The following TMEM132B variants were observed in gnomAD, a reference collection of about 807,000 sequenced individuals.
TMEM132B encodes transmembrane protein 132B.
In TMEM132B, 18 loss-of-function variants were observed where a neutral mutation model predicts 90.8. That is an observed-to-expected ratio of 0.20 (90% CI 0.14 to 0.29). The LOEUF is 0.29. Among genes scored for constraint, TMEM132B ranks in the 10% least tolerant of loss-of-function variants. TMEM132B has a pLI of 1.00. For missense variants in TMEM132B, 1,096 were observed against 1,326.8 expected (o/e 0.83, Z 2.70); for synonymous variants, 504 against 523.3 (o/e 0.96, Z 0.50).
intron 4 of TMEM132B, among the ~76,000 whole-genome samples, chr12:125,553,913 G>T (rs75607709): frequency 0.044 from 6,642 of 152,076 alleles, 245 homozygotes; most frequent in African/African-American, 0.089. Context: ...GACTGTGCAA[G>T]CTCAAACTGT....
intron 4 of TMEM132B, 93 bp downstream of exon 4, chr12:125,519,718 T>C: frequency 7.7e-7 from 1 of 1,301,532 alleles, no homozygotes; most frequent in East Asian, 2.3e-5. Context: ...ACATACCTGA[T>C]ACACTGTTTA....
At chr12:125,361,176 C>T (rs1238123622) in intron 2 of TMEM132B, among the ~76,000 whole-genome samples, 1 of 152,116 alleles carries the variant, frequency 6.6e-6, no homozygotes, top group African/African-American at 2.4e-5. Context: ...ACCCCCTATG[C>T]ACCTGTCACA....
chr12:125,497,663 A>G (rs1465461735), intron 3 of TMEM132B, among the ~76,000 whole-genome samples: 1 of 152,104 alleles, frequency 6.6e-6, no homozygotes, highest in Admixed American at 6.5e-5. Context: ...CTTCTTCTGA[A>G]CCAGGGGTTT....
chr12:125,307,796 C>CTTGT (rs1876022026), intron 1 of TMEM132B, among the ~76,000 whole-genome samples: 1 of 25,414 alleles, frequency 3.9e-5, no homozygotes, highest in African/African-American at 1.7e-4. Flanking sequence ...AAGTATATTA[C>CTTGT]AAGTATATAT....
intron 1 of TMEM132B, among the ~76,000 whole-genome samples, chr12:125,253,581 TGTACCACCAC>T (rs1270241911): frequency 6.6e-6 from 1 of 151,980 alleles, no homozygotes; most frequent in Non-Finnish European, 1.5e-5. Flanking sequence ...ACTACAGGTG[TGTACCACCAC>T]GCCCAGCTAA....
chr12:125,466,843 G>A (rs1333720645), intron 3 of TMEM132B, among the ~76,000 whole-genome samples: 2 of 152,236 alleles, frequency 1.3e-5, no homozygotes, highest in African/African-American at 4.8e-5. Context: ...TCTGGACCTG[G>A]TGTTGGCTAT....
chr12:125,239,337 G>T (rs1874011381), intron 1 of TMEM132B, among the ~76,000 whole-genome samples: 1 of 152,184 alleles, frequency 6.6e-6, no homozygotes, highest in African/African-American at 2.4e-5. Flanking sequence ...TATAGTCATA[G>T]TCAGGATCTT....
chr12:125,217,882 CT>C (rs1277031058), intron 1 of TMEM132B, among the ~76,000 whole-genome samples: 5 of 152,206 alleles, frequency 3.3e-5, no homozygotes, highest in African/African-American at 1.2e-4. Flanking sequence ...TGCAAAATGT[CT>C]TAATAATGAC....
chr12:125,553,085 GCAA>G (rs1884276181), intron 4 of TMEM132B, among the ~76,000 whole-genome samples: 1 of 152,206 alleles, frequency 6.6e-6, no homozygotes, highest in African/African-American at 2.4e-5. Flanking sequence ...ACAACACATG[GCAA>G]CAAAGTGCCT....
chr12:125,511,850 T>TAAAAAAAAAAAAAA (rs1188465342), intron 3 of TMEM132B, among the ~76,000 whole-genome samples: 2 of 89,710 alleles, frequency 2.2e-5, no homozygotes, highest in African/African-American at 1.2e-4. Flanking sequence ...AGACTCTATC[T>TAAAAAAAAAAAAAA]CAAAAAAAAA....
At chr12:125,310,751 A>G (rs7971503) in intron 1 of TMEM132B, among the ~76,000 whole-genome samples, 110,450 of 151,894 alleles carry the variant, frequency 0.73, 40,485 homozygotes, top group Non-Finnish European at 0.77. Context: ...CCCCCACGGT[A>G]GTTCTGGGTC....
chr12:125,228,063 T>A (rs1465619061), intron 1 of TMEM132B, among the ~76,000 whole-genome samples: 2 of 152,252 alleles, frequency 1.3e-5, no homozygotes, highest in East Asian at 3.8e-4. Context: ...GAAACACCTG[T>A]ACTCTAATTA....
At chr12:125,393,662 T>C (rs559928078) in intron 2 of TMEM132B, among the ~76,000 whole-genome samples, 1 of 152,232 alleles carries the variant, frequency 6.6e-6, no homozygotes, top group East Asian at 1.9e-4. Flanking sequence ...CAAAGAGAAC[T>C]TAATGAAGGG....
intron 1 of TMEM132B, among the ~76,000 whole-genome samples, chr12:125,270,290 A>G (rs996169627): frequency 5.3e-5 from 8 of 152,010 alleles, no homozygotes; most frequent in African/African-American, 9.7e-5. Flanking sequence ...GTGCACCACC[A>G]TGCATCCTAC....
chr12:125,270,492 A>G (rs941223503), intron 1 of TMEM132B, among the ~76,000 whole-genome samples: 11 of 152,146 alleles, frequency 7.2e-5, no homozygotes, highest in African/African-American at 2.4e-4. Context: ...AAATGTATTC[A>G]AAGGAAGTGG....
At chr12:125,341,884 A>C (rs1877190608) in intron 1 of TMEM132B, among the ~76,000 whole-genome samples, 1 of 152,116 alleles carries the variant, frequency 6.6e-6, no homozygotes, top group African/African-American at 2.4e-5. Flanking sequence ...TGGGGAGATA[A>C]ATTAGGGGTC....
intron 6 of TMEM132B, among the ~76,000 whole-genome samples, chr12:125,644,844 C>T (rs939407587): frequency 1.6e-4 from 25 of 152,158 alleles, no homozygotes; most frequent in African/African-American, 5.8e-4. Flanking sequence ...TAACCTATCT[C>T]TTTCTCAGTT....
chr12:125,262,725 G>A (rs1262867181), intron 1 of TMEM132B, among the ~76,000 whole-genome samples: 1 of 152,230 alleles, frequency 6.6e-6, no homozygotes, highest in Non-Finnish European at 1.5e-5. Flanking sequence ...TGTGTTTAGA[G>A]AACAATAGGA....
chr12:125,257,889 G>C (rs1874476027), intron 1 of TMEM132B, among the ~76,000 whole-genome samples: 1 of 152,150 alleles, frequency 6.6e-6, no homozygotes, highest in Non-Finnish European at 1.5e-5. Context: ...GGGGGAGTGA[G>C]GCCCTGGCTA....
Sources: allele counts gnomAD v4.1 joint callset (sites outside exome capture counted in the v4.1 genomes callset), GRCh38; gene constraint gnomAD v4.1.1; transcripts MANE v1.5; gene names NCBI Gene and HGNC (gene_info 2026-07-23, HGNC 2026-07-21).